L3MBTL1: variants seen among roughly 807,000 people sequenced by gnomAD.
The protein encoded by L3MBTL1 is L3MBTL histone methyl-lysine binding protein 1, also known as lethal(3)malignant brain tumor-like protein 1.
Under a neutral mutation model 105.3 loss-of-function variants are expected in L3MBTL1, and 75 were observed. The ratio of observed to expected loss-of-function variants is 0.71; its 90% CI spans 0.59 to 0.86. L3MBTL1 has a LOEUF of 0.86. Ranked by LOEUF, L3MBTL1 falls within the 40% of genes least tolerant of loss-of-function variation. The pLI is 0.00. For synonymous variants in L3MBTL1, 452 were observed against 436.2 expected, an observed-to-expected ratio of 1.04 and a Z score of -0.45; for missense variants, 1,069 against 1,126.4, an observed-to-expected ratio of 0.95 and a Z score of 0.73.
Position 43,509,523 on chromosome 20 carries a change from C to T in L3MBTL1, c.-29+1779C>T, listed in dbSNP as rs150790029. Among the ~76,000 whole-genome samples, 827 of 151,594 alleles carry T rather than the reference C, an allele frequency of 5.5e-3. 6 individuals carry two copies. Among genetic ancestry groups the T allele is most frequent in the African/African-American group, 0.019 (780 of 41,240 alleles). On this transcript the variant is annotated intron_variant, in intron 1 of 21. Coordinates refer to ENST00000418998, the MANE Select transcript of L3MBTL1 (RefSeq NM_001377303.1). ...ATTACAGGCATGAGCCACCAGGCCT[C>T]GCCCCAGTTCTGTGGTTTTAAATGC...
chr20:43,546,660 TC>T (rs1434716150), downstream of L3MBTL1, among the ~76,000 whole-genome samples: 1 of 152,100 alleles, frequency 6.6e-6, no homozygotes, highest in East Asian at 1.9e-4. Context: ...ACAGCCTGCC[TC>T]CCAGCTCTCT....
rs766154724 is a variant in L3MBTL1 at position 43,541,156 on chromosome 20, T to A, written c.*28T>A. 1 of 1,600,130 alleles carries A rather than the reference T, an allele frequency of 6.2e-7. No homozygotes were observed. Among genetic ancestry groups the A allele is most frequent in the East Asian group, 2.2e-5 (1 of 44,596 alleles). ...TGTACTTTTTTCCCCTTTAATCCAA[T>A]ATAGTTGATAATTAAAGTGTATTTT... On this transcript the variant is annotated 3_prime_UTR_variant, in exon 22 of 22. Transcript: ENST00000418998.
At chr20:43,546,781 C>T (rs1978627672), downstream of L3MBTL1, among the ~76,000 whole-genome samples, 1 of 152,190 alleles carries the variant, frequency 6.6e-6, no homozygotes. Context: ...ATTTGTTTCA[C>T]CTATATTTGG....
At chr20:43,519,650 A>G (rs6065616) in intron 7 of L3MBTL1, among the ~76,000 whole-genome samples, 35,916 of 152,050 alleles carry the variant, frequency 0.24, 4,440 homozygotes, top group East Asian at 0.43. Flanking sequence ...AAAGAAAAAG[A>G]GATGAGGTCT....
Position 43,540,216 on chromosome 20 carries a change from T to A in L3MBTL1, c.2239T>A (p.Ser747Thr). The A allele has an allele frequency of 1.2e-6, 2 of 1,613,676 alleles. No individual in the cohort carries two copies. The highest frequency in any genetic ancestry group is 4.5e-5 in the East Asian group (2 of 44,870). The stretch of plus-strand genomic sequence containing the variant: ...AGCCCTGTCGGCCCACCCTGACCGC[T>A]CACTCTCAGTGTGCTGGGAGCAGCA... Reference protein sequence around the residue: ...MSALSAHPDRSLSVCWEQHCK... With the variant: ...MSALSAHPDRTLSVCWEQHCK... The change falls in exon 20 of 22, where the codon TCA (serine) becomes ACA (threonine). Residue 747 changes from serine to threonine, a missense_variant. Transcript: ENST00000418998.
intron 4 of L3MBTL1, 54 bp from the exon 5 acceptor site, chr20:43,514,955 C>G (rs369292227): frequency 3.8e-6 from 6 of 1,591,346 alleles, no homozygotes; most frequent in African/African-American, 2.7e-5. Flanking sequence ...GTGGGCGGAG[C>G]CTGAGTGTGG....
chr20:43,521,894 C>T (rs1010394942), intron 7 of L3MBTL1, among the ~76,000 whole-genome samples: 2 of 152,092 alleles, frequency 1.3e-5, no homozygotes, highest in African/African-American at 4.8e-5. Context: ...CACTGATACT[C>T]CATTTAACGT....
chr20:43,515,187 T>TG, intron 5 of L3MBTL1, 28 bp downstream of exon 5: 1 of 1,614,102 alleles, frequency 6.2e-7, no homozygotes, highest in Non-Finnish European at 8.5e-7. Context: ...CAGCCCTACT[T>TG]GCTCTACCTT....
At chr20:43,537,068 A>G (rs2019668840) in intron 19 of L3MBTL1, among the ~76,000 whole-genome samples, 1 of 152,210 alleles carries the variant, frequency 6.6e-6, no homozygotes, top group African/African-American at 2.4e-5. Flanking sequence ...CACTTGCCCA[A>G]GGTCATTCAC....
At chr20:43,514,295 G>C (rs1297891742) in intron 3 of L3MBTL1, 1 of 835,996 alleles carries the variant, frequency 1.2e-6, no homozygotes, top group Non-Finnish European at 1.8e-6. Flanking sequence ...TGGGCCTGTG[G>C]GTGTCTGGGG....
At chr20:43,510,288 C>A (rs1448481965) in intron 1 of L3MBTL1, among the ~76,000 whole-genome samples, 2 of 152,192 alleles carry the variant, frequency 1.3e-5, no homozygotes, top group African/African-American at 4.8e-5. Flanking sequence ...GCGTGAGCCA[C>A]CACGTCCAGC....
rs771863068 is a variant in L3MBTL1, at chr20:43,536,191, A to T, written c.2020A>T (p.Asn674Tyr). ...CLSGCPLAER[N>Y]QSRLKAELSD... ...CTCAGGCTGCCCACTGGCTGAGAGG[A>T]ACCAGAGCCGGCTGAAAGCGGAGCT... The change falls in exon 18 of 22, where the codon AAC becomes TAC. Residue 674 changes from asparagine to tyrosine, a missense_variant. Physicochemically the swap from Asn to Tyr is moderately radical, Grantham distance 143. Coordinates refer to ENST00000418998, the MANE Select transcript of L3MBTL1 (RefSeq NM_001377303.1). 17 of 1,613,268 alleles carry T rather than the reference A, an allele frequency of 1.1e-5. No homozygotes were observed. Among genetic ancestry groups the T allele is most frequent in the Non-Finnish European group, 1.4e-5 (16 of 1,179,938 alleles).
Position 43,534,927 on chromosome 20 carries a change from C to G in L3MBTL1, c.1810C>G (p.Leu604Val). ...AGWCSKTGHP[L>V]QPPLGPREPS... is the part of the protein sequence containing the mutation. ...CTGGTGCTCCAAGACAGGACATCCC[C>G]TGCAGCCTCCTCTCGGTGTGTACCC... The change falls in exon 16 of 22, where the codon CTG becomes GTG. Residue 604 changes from leucine (L) to valine (V), a missense_variant. Coordinates refer to ENST00000418998, the MANE Select transcript of L3MBTL1 (RefSeq NM_001377303.1). 1 of 1,602,204 alleles carries G rather than the reference C, an allele frequency of 6.2e-7. No individual in the cohort carries two copies. Among genetic ancestry groups the G allele is most frequent in the Non-Finnish European group, 8.5e-7 (1 of 1,177,634 alleles).
At chr20:43,515,976 C>T in intron 6 of L3MBTL1, 117 bp from the exon 7 acceptor site, 1 of 714,294 alleles carries the variant, frequency 1.4e-6, no homozygotes, top group South Asian at 1.7e-5. Flanking sequence ...AGAAATTCTG[C>T]CTGTTTGGGG....
chr20:43,523,562 T>C (rs2018848835), intron 7 of L3MBTL1: 1 of 252,416 alleles, frequency 4.0e-6, no homozygotes, highest in Non-Finnish European at 8.0e-6. Context: ...TGGACCAGTA[T>C]CCTGCGGCAT....
chr20:43,538,043 A>G (rs2019719905), intron 19 of L3MBTL1, among the ~76,000 whole-genome samples: 1 of 152,204 alleles, frequency 6.6e-6, no homozygotes, highest in Admixed American at 6.5e-5. Flanking sequence ...CAGTATTATT[A>G]GTCTGAGTCT....
chr20:43,534,293 C>G lies in L3MBTL1; in HGVS notation c.1609C>G (p.His537Asp). 6.2e-7 allele frequency: 1 copy of G among 1,613,888 alleles called. No individual in the cohort carries two copies. Among genetic ancestry groups the G allele is most frequent in the Non-Finnish European group, 8.5e-7 (1 of 1,179,912 alleles). The change falls in exon 15 of 22, where the codon CAC (histidine) becomes GAC (aspartate). Residue 537 changes from histidine to aspartate, a missense_variant. His to Asp is a moderately conservative substitution (Grantham distance 81). Transcript: ENST00000418998. Reference protein sequence around the residue: ...PTWAFKVRPPHSFLVNMKLEA... With the variant: ...PTWAFKVRPPDSFLVNMKLEA... ...GCTGTCCCCTCTGCAGCGACCCCCT[C>G]ACAGCTTCCTGGTCAATATGAAGCT...
At position 43,513,597 on chromosome 20, in the gene L3MBTL1, G is replaced by T; in HGVS notation, c.94G>T (p.Gly32Cys). The change falls in exon 2 of 22, where the codon GGT becomes TGT. Residue 32 changes from glycine (G) to cysteine (C), a missense_variant. Coordinates refer to ENST00000418998, the MANE Select transcript of L3MBTL1 (RefSeq NM_001377303.1). ...GCACTTGGTGGCCGGAGACAGCCCC[G>T]GTTCTGGTCCTCACCTGCCCGCAAC... Reference protein sequence around the residue: ...SMHLVAGDSPGSGPHLPATAF... With the variant: ...SMHLVAGDSPCSGPHLPATAF... 1.9e-6 allele frequency: 3 copies of T among 1,550,646 alleles called. No homozygotes were observed. The highest frequency in any genetic ancestry group is 1.2e-5 in the South Asian group (1 of 84,062).
At chr20:43,529,119 T>C in intron 8 of L3MBTL1, 145 bp from the exon 9 acceptor site, 1 of 646,912 alleles carries the variant, frequency 1.5e-6, no homozygotes, top group East Asian at 2.7e-5. Flanking sequence ...TCTCTCTAGA[T>C]CCCTGTAGTA....
Sources: allele counts gnomAD v4.1 joint callset (sites outside exome capture counted in the v4.1 genomes callset), GRCh38; gene constraint gnomAD v4.1.1; transcripts MANE v1.5; gene names NCBI Gene and HGNC (gene_info 2026-07-23, HGNC 2026-07-21).